The following HERC1 variants were observed in gnomAD, a reference collection of about 807,000 sequenced individuals.
The protein encoded by HERC1 is probable E3 ubiquitin-protein ligase HERC1.
In HERC1, 160 loss-of-function variants were observed where a neutral mutation model predicts 554.3. That is an observed-to-expected ratio of 0.29 (90% CI 0.25 to 0.33). The LOEUF (loss-of-function observed/expected upper bound fraction) is 0.33. Among genes scored for constraint, HERC1 ranks in the 10% least tolerant of loss-of-function variants. HERC1 has a pLI of 1.00. For synonymous variants in HERC1, 2,175 were observed against 2,131.7 expected (o/e 1.02, Z -0.56); for missense variants, 4,919 against 5,918.5 (o/e 0.83, Z 5.54).
At position 63,774,879 on chromosome 15, in the gene HERC1, C is replaced by G; in HGVS notation, c.745G>C (p.Glu249Gln). 6.2e-7 allele frequency: 1 copy of G among 1,614,014 alleles called. No individual in the cohort carries two copies. The stretch of plus-strand genomic sequence containing the variant: ...TGAGCTGCCAAACCAAGCAGCAACT[C>G]AGAAGCTAATCTACGACCTAAAGTG... ...ADTLGRRLAS[E>Q]LLLGLAAQRG... The change falls in exon 2 of 78, where the codon GAG (glutamate) becomes CAG (glutamine). Residue 249 changes from glutamate to glutamine, a missense_variant. Transcript: ENST00000443617.
rs758418945 is a variant in HERC1, at chr15:63,800,516, A to AT, written c.-26-24868dup. The stretch of plus-strand genomic sequence containing the variant: ...CAGTTTAAACAGTACAGTACCAGAG[A>AT]TATTAATTAGGTACTCAGTAACAGT... On this transcript the variant is annotated intron_variant, in intron 1 of 77. Coordinates refer to ENST00000443617, the MANE Select transcript of HERC1 (RefSeq NM_003922.4). Among the ~76,000 whole-genome samples, 222 of 152,292 alleles carry AT rather than the reference A, an allele frequency of 1.5e-3. 2 individuals carry two copies. Among genetic ancestry groups the AT allele is most frequent in the Admixed American group, 5.4e-3 (83 of 15,302 alleles).
intron 1 of HERC1, among the ~76,000 whole-genome samples, chr15:63,820,233 C>T (rs866612212): frequency 6.6e-6 from 1 of 152,134 alleles, no homozygotes; most frequent in African/African-American, 2.4e-5. Flanking sequence ...TCCCCCACCA[C>T]ACCACCATCA....
chr15:63,628,754 T>C lies in HERC1; in HGVS notation c.13028A>G (p.Lys4343Arg). The C allele has an allele frequency of 6.2e-7, 1 of 1,614,062 alleles. No individual in the cohort carries two copies. The highest frequency in any genetic ancestry group is 8.5e-7 in the Non-Finnish European group (1 of 1,179,904). Residue 4343 changes from lysine to arginine, a missense_variant, in exon 70 of 78, where the codon AAA becomes AGA. This residue lies in a region of HERC1 where 410 missense variants were observed against 467.0 expected (regional missense o/e 0.88). Transcript: ENST00000443617. ...EPTLVTGLQGKNVRQISAGRC... is the reference protein window; with the variant it reads ...EPTLVTGLQGRNVRQISAGRC... ...GCCAGCCGAGATCTGCCGAACATTT[T>C]TCCCTTGCAGACCTGTTACCAGGGT...
At position 63,694,501 on chromosome 15, in the gene HERC1, T is replaced by A; in HGVS notation, c.5291A>T (p.His1764Leu). The change falls in exon 29 of 78, where the codon CAT becomes CTT. Residue 1764 changes from histidine to leucine, a missense_variant. Physicochemically the swap from His to Leu is moderately conservative, Grantham distance 99. Coordinates refer to ENST00000443617, the MANE Select transcript of HERC1 (RefSeq NM_003922.4). This position sits in a 1 kb window ranked among gnomAD's most constrained non-coding sequence, Gnocchi z 4.3. Reference sequence around the variant, plus strand: ...CAAAGAAACATCTACTGGTTGATAATGAACACTTAGGGCAAAAACTGTAAC... The same window carrying A: ...CAAAGAAACATCTACTGGTTGATAAAGAACACTTAGGGCAAAAACTGTAAC... ...LLVTVFALSV[H>L]YQPVDVSLAI... The A allele has an allele frequency of 1.2e-6, 2 of 1,614,036 alleles. No homozygotes were observed. Among genetic ancestry groups the A allele is most frequent in the Non-Finnish European group, 1.7e-6 (2 of 1,179,898 alleles).
intron 1 of HERC1, among the ~76,000 whole-genome samples, chr15:63,788,714 C>T (rs1596257669): frequency 1.3e-5 from 2 of 151,934 alleles, no homozygotes; most frequent in South Asian, 4.2e-4. Context: ...GTCAGGAGTT[C>T]GAGACCGGCC....
chr15:63,812,814 G>T lies in HERC1; in HGVS notation c.-27+21013C>A, dbSNP rs751450575. ...ATAAACGAAAAAATTATTAAGGAAAGAAATCAAAGATAATCAAAATAGATG... is the reference window on the plus strand; with the variant it reads ...ATAAACGAAAAAATTATTAAGGAAATAAATCAAAGATAATCAAAATAGATG... On this transcript the variant is annotated intron_variant, in intron 1 of 77. Coordinates refer to ENST00000443617, the MANE Select transcript of HERC1 (RefSeq NM_003922.4). Among the ~76,000 whole-genome samples the T allele has an allele frequency of 3.2e-4, 49 of 151,878 alleles. 1 individual carries two copies. Among genetic ancestry groups the T allele is most frequent in the Admixed American group, 2.6e-4 (4 of 15,266 alleles).
intron 1 of HERC1, among the ~76,000 whole-genome samples, chr15:63,810,297 C>T (rs1216503602): frequency 6.6e-6 from 1 of 151,822 alleles, no homozygotes; most frequent in Non-Finnish European, 1.5e-5. Flanking sequence ...AATGGATAAA[C>T]AAAATGTGGT....
In HERC1 at chr15:63,612,317, T is replaced by A. The variant is rs765928968; in HGVS notation, c.14334A>T (p.Gly4778=). The A allele has an allele frequency of 1.2e-6, 2 of 1,613,968 alleles. No homozygotes were observed. The highest frequency in any genetic ancestry group is 2.2e-5 in the South Asian group (2 of 91,074). Residue 4778 remains glycine (G), a synonymous_variant, in exon 77 of 78, where the codon GGA becomes GGT. Transcript: ENST00000443617. The surrounding 1 kb of genome is among the most constrained non-coding windows in gnomAD (Gnocchi z 5.0). Reference sequence around the variant, plus strand: ...CAGTGTTGGCTGGTAGTCGAGATCTTCCTGACACAAACCTCATGAAAAGCA... The same window carrying A: ...CAGTGTTGGCTGGTAGTCGAGATCTACCTGACACAAACCTCATGAAAAGCA... The part of the protein sequence containing the change: ...ERVLFMRFVS[G]RSRLPANTAD...
chr15:63,719,534 T>A (rs2073718444), intron 19 of HERC1, among the ~76,000 whole-genome samples: 1 of 152,242 alleles, frequency 6.6e-6, no homozygotes, highest in African/African-American at 2.4e-5. Context: ...TGAACAGAGA[T>A]ACAACATGAT....
chr15:63,740,223 T>C (rs963098891), intron 12 of HERC1, among the ~76,000 whole-genome samples: 1 of 152,196 alleles, frequency 6.6e-6, no homozygotes, highest in African/African-American at 2.4e-5. Context: ...TAGGATAATA[T>C]TTAGAAGGTT....
intron 3 of HERC1, among the ~76,000 whole-genome samples, chr15:63,760,663 A>C (rs887558042): frequency 5.9e-5 from 9 of 152,040 alleles, no homozygotes; most frequent in African/African-American, 2.2e-4. Flanking sequence ...AAAAAGACAA[A>C]GTATTCAAGA....
In HERC1 at chr15:63,717,356, G is replaced by A. The variant is rs548653803; in HGVS notation, c.3979-883C>T. Among the ~76,000 whole-genome samples, 9 of 152,294 alleles carry A rather than the reference G, an allele frequency of 5.9e-5. No individual in the cohort carries two copies. In the East Asian group the frequency reaches 1.5e-3, roughly 26 times the overall value. On this transcript the variant is annotated intron_variant, in intron 21 of 77. Transcript: ENST00000443617. ...TATGACAAAAGTCTACAAATGGAGAGAAAGAGTTTGGTTTTTTAAATCTAA... is the reference window on the plus strand; with the variant it reads ...TATGACAAAAGTCTACAAATGGAGAAAAAGAGTTTGGTTTTTTAAATCTAA...
chr15:63,698,653 C>A, intron 26 of HERC1, 75 bp downstream of exon 26: 1 of 1,425,126 alleles, frequency 7.0e-7, no homozygotes, highest in East Asian at 2.4e-5. Context: ...GAAAGGTTTT[C>A]CCTAGAACTA....
At chr15:63,789,076 AGG>A (rs1427324061) in intron 1 of HERC1, among the ~76,000 whole-genome samples, 1 of 139,216 alleles carries the variant, frequency 7.2e-6, no homozygotes, top group Non-Finnish European at 1.5e-5. Flanking sequence ...CAGGAATAAA[AGG>A]TTTTTTTTTT....
Position 63,641,561 on chromosome 15 carries a change from T to C in HERC1, c.11516A>G (p.Gln3839Arg). 2.5e-6 allele frequency: 4 copies of C among 1,610,636 alleles called. No individual in the cohort carries two copies. The highest frequency in any genetic ancestry group is 3.4e-6 in the Non-Finnish European group (4 of 1,178,310). ...LATCRTALKQ[Q>R]GVLGLNMAPC... ...AGCCATGTTCAATCCCAGAACACCC[T>C]GCTGTTTCAATGCTGTCCTACAGGT... Residue 3839 changes from glutamine to arginine, a missense_variant, in exon 60 of 78, where the codon CAG (glutamine) becomes CGG (arginine). Coordinates refer to ENST00000443617, the MANE Select transcript of HERC1 (RefSeq NM_003922.4).
At chr15:63,733,961 A>G (rs754624986) in intron 13 of HERC1, among the ~76,000 whole-genome samples, 14 of 152,200 alleles carry the variant, frequency 9.2e-5, no homozygotes, top group Non-Finnish European at 5.9e-5. Flanking sequence ...CCAGGAGTTC[A>G]AGAACAGCCT....
At chr15:63,788,447 A>G (rs2076524847) in intron 1 of HERC1, among the ~76,000 whole-genome samples, 1 of 152,256 alleles carries the variant, frequency 6.6e-6, no homozygotes, top group South Asian at 2.1e-4. Context: ...TCATGACTTC[A>G]ACAGACAATT....
Position 63,690,624 on chromosome 15 carries a change from T to G in HERC1, c.5854A>C (p.Arg1952=), listed in dbSNP as rs2072051984. 5 of 1,609,806 alleles carry G rather than the reference T, an allele frequency of 3.1e-6. No homozygotes were observed. The highest frequency in any genetic ancestry group is 3.4e-6 in the Non-Finnish European group (4 of 1,176,642). The change falls in exon 32 of 78, where the codon AGA becomes CGA. Residue 1952 remains arginine (R), a synonymous_variant. Transcript: ENST00000443617. ...SSGIPLVGNL[R]TRLLALHVLE... is the part of the protein sequence containing the mutation. ...ACATGAAGTGCAAGGAGCCTTGTTC[T>G]TAAGTTACCAACCAGAGGGATACCT... is the stretch of plus-strand genomic sequence containing the variant.
rs767961021 is a variant in HERC1, at chr15:63,666,045, G to A, written c.8429C>T (p.Ala2810Val). The A allele has an allele frequency of 1.9e-6, 3 of 1,614,036 alleles. No homozygotes were observed. Among genetic ancestry groups the A allele is most frequent in the African/African-American group, 1.3e-5 (1 of 75,068 alleles). The part of the protein sequence containing the change: ...DEEEPQSGST[A>V]DSRPGAAVLG... ...AACGGCTGCTCCAGGCCTAGAGTCT[G>A]CTGTGCTGCCCGACTGGGGCTCCTC... is the stretch of plus-strand genomic sequence containing the variant. The change falls in exon 42 of 78, where the codon GCA becomes GTA. Residue 2810 changes from alanine (A) to valine (V), a missense_variant. Physicochemically the swap from Ala to Val is moderately conservative, Grantham distance 64 (BLOSUM62 0). Around this residue, in one of 11 missense-constraint regions of HERC1, gnomAD observed 1,963 missense variants for 2,228.6 expected, o/e 0.88. Transcript: ENST00000443617.
Sources: gnomAD v4.1 joint callset for allele counts (sites outside exome capture counted in the v4.1 genomes callset) on GRCh38, gnomAD v4.1.1 for gene constraint, gnomAD v4.1.1 regional missense constraint, Gnocchi (gnomAD v3.1) non-coding constraint, MANE v1.5 for transcripts, NCBI Gene and HGNC (gene_info 2026-07-23, HGNC 2026-07-21) for gene names.